Variants in CD40LG observed in about 807,000 individuals in gnomAD.
The protein encoded by CD40LG is CD40 antigen ligand.
Under a neutral mutation model 17.2 loss-of-function variants are expected in CD40LG, and 1 was observed. The ratio of observed to expected loss-of-function variants is 0.06; its 90% CI spans 0.02 to 0.28. CD40LG has a LOEUF of 0.28. CD40LG is among the 10% of genes least tolerant of loss of function. The pLI is 1.00. For missense variants in CD40LG, 133 were observed against 193.2 expected (o/e 0.69, Z 1.85); for synonymous variants, 66 against 74.4 (o/e 0.89, Z 0.58).
intron 4 of CD40LG, among the ~76,000 whole-genome samples, chrX:136,658,456 T>C (rs760329422): frequency 8.9e-6 from 1 of 111,877 alleles, no homozygotes; most frequent in East Asian, 2.8e-4. Context: ...TTTATTTTCA[T>C]ACTTCCTTGC....
In CD40LG at chrX:136,648,224, G is replaced by A; in HGVS notation, c.-25G>A. The A allele has an allele frequency of 8.5e-7, 1 of 1,178,908 alleles. No individual in the cohort carries two copies. The highest frequency in any genetic ancestry group is 1.2e-6 in the Non-Finnish European group (1 of 866,149). ...GCCTCTGCCACCTTCTCTGCCAGAA[G>A]ATACCATTTCAACTTTAACACAGCA... On this transcript the variant is annotated 5_prime_UTR_variant, in exon 1 of 5. Transcript: ENST00000370629.
intron 4 of CD40LG, among the ~76,000 whole-genome samples, chrX:136,657,201 T>C (rs2076121644): frequency 9.0e-6 from 1 of 111,690 alleles, no homozygotes; most frequent in African/African-American, 3.3e-5. Context: ...TGTGTGCATA[T>C]GTGTATGTGT....
intron 2 of CD40LG, among the ~76,000 whole-genome samples, chrX:136,652,267 C>T (rs1430935909): frequency 2.7e-5 from 3 of 110,887 alleles, no homozygotes; most frequent in Non-Finnish European, 5.7e-5. Flanking sequence ...CTCCAGCTAC[C>T]CAATCCTCCC....
intron 3 of CD40LG, among the ~76,000 whole-genome samples, chrX:136,655,387 G>C (rs1413227618): frequency 8.9e-6 from 1 of 111,998 alleles, no homozygotes. Flanking sequence ...TTAGAATGTG[G>C]CATCGCAAAC....
At position 136,653,053 on chromosome X, in the gene CD40LG, G is replaced by T. The variant is rs999261940; in HGVS notation, c.289-1320G>T. On this transcript the variant is annotated intron_variant, in intron 2 of 4. Coordinates refer to ENST00000370629, the MANE Select transcript of CD40LG (RefSeq NM_000074.3). ...TTGCTGACTTCATGTTTTCATCTTG[G>T]CCAGGCCTCAACACCAATGCAACAA... Among the ~76,000 whole-genome samples the T allele has an allele frequency of 4.5e-5, 5 of 111,894 alleles. No individual in the cohort carries two copies. The Admixed American group carries it at 4.7e-4, about 11-fold the overall frequency.
rs3092937 is a variant in CD40LG at position 136,653,202 on chromosome X, G to A, written c.289-1171G>A. ...TGTCACCACATCTTCATAGTGCCGC[G>A]CTTCAGCTCAAATGGAAAGTTGAAG... On this transcript the variant is annotated intron_variant, in intron 2 of 4. Transcript: ENST00000370629. Among the ~76,000 whole-genome samples, 525 of 112,281 alleles carry A rather than the reference G, an allele frequency of 4.7e-3. 3 individuals carry two copies. The highest frequency in any genetic ancestry group is 0.017 in the African/African-American group (513 of 30,936).
intron 4 of CD40LG, 58 bp downstream of exon 4, chrX:136,656,476 G>A (rs1487234251): frequency 2.0e-6 from 2 of 986,315 alleles, no homozygotes; most frequent in Non-Finnish European, 2.9e-6. Flanking sequence ...GGATGCCGAA[G>A]TCATGTTACC....
intron 4 of CD40LG, among the ~76,000 whole-genome samples, chrX:136,657,187 T>C (rs2076121542): frequency 9.0e-6 from 1 of 111,457 alleles, no homozygotes; most frequent in Admixed American, 9.5e-5. Context: ...AAGCAGTGCA[T>C]GTGTGTGTGC....
At chrX:136,654,539 T>C in intron 3 of CD40LG, 109 bp downstream of exon 3, 2 of 583,210 alleles carry the variant, frequency 3.4e-6, no homozygotes, top group Non-Finnish European at 5.9e-6. Context: ...CTTTTAGCCC[T>C]GGAAATAAAA....
chrX:136,658,429 G>A (rs561420799), intron 4 of CD40LG, among the ~76,000 whole-genome samples: 2 of 111,678 alleles, frequency 1.8e-5, no homozygotes, highest in South Asian at 3.9e-4. Context: ...AAAACATACC[G>A]TGAAATGAGC....
At chrX:136,649,631 A>G (rs2076098584) in intron 1 of CD40LG, among the ~76,000 whole-genome samples, 1 of 112,835 alleles carries the variant, frequency 8.9e-6, no homozygotes, top group Non-Finnish European at 1.9e-5. Context: ...ATCTACTCTT[A>G]AAGCAAGAAA....
chrX:136,652,927 A>G (rs2076108297), intron 2 of CD40LG, among the ~76,000 whole-genome samples: 1 of 109,892 alleles, frequency 9.1e-6, no homozygotes, highest in African/African-American at 3.3e-5. Context: ...AAAGTATTTC[A>G]GTTGAGGTGG....
chrX:136,658,994 T>C (rs749434397), intron 4 of CD40LG, 45 bp from the exon 5 acceptor site: 4 of 1,190,095 alleles, frequency 3.4e-6, no homozygotes, highest in East Asian at 3.0e-5. Flanking sequence ...ATGTGAACCA[T>C]GCTCTGCTTC....
chrX:136,648,212 T>A lies in CD40LG; in HGVS notation c.-37T>A. 1 of 1,138,784 alleles carries A rather than the reference T, an allele frequency of 8.8e-7. No individual in the cohort carries two copies. Among genetic ancestry groups the A allele is most frequent in the Non-Finnish European group, 1.2e-6 (1 of 829,421 alleles). 93.8% of individuals were successfully genotyped at this position (1,138,784 alleles called of 1,213,427 possible). On this transcript the variant is annotated 5_prime_UTR_variant, in exon 1 of 5. Coordinates refer to ENST00000370629, the MANE Select transcript of CD40LG (RefSeq NM_000074.3). The stretch of plus-strand genomic sequence containing the variant: ...TCTTCTCATGCTGCCTCTGCCACCT[T>A]CTCTGCCAGAAGATACCATTTCAAC...
At chrX:136,656,330 C>T (rs780148710) in intron 3 of CD40LG, 26 bp from the exon 4 acceptor site, 3 of 1,180,651 alleles carry the variant, frequency 2.5e-6, no homozygotes, top group Middle Eastern at 2.3e-4. Context: ...ATTATTTTAG[C>T]CTGACAGTTT....
rs57066772 is a variant in CD40LG at position 136,659,920 on chromosome X, A to ACCCCCCCCCCCCCC, written c.*508_*521dup. On this transcript the variant is annotated 3_prime_UTR_variant, in exon 5 of 5. Coordinates refer to ENST00000370629, the MANE Select transcript of CD40LG (RefSeq NM_000074.3). Reference sequence around the variant, plus strand: ...ACGTCTAACACAGTGGAGAACCGAAACCCCCCCCCCCCCCCCGCCACCCTC... The same window carrying ACCCCCCCCCCCCCC: ...ACGTCTAACACAGTGGAGAACCGAAACCCCCCCCCCCCCCCCCCCCCCCCCCCCCCGCCACCCTC... The ACCCCCCCCCCCCCC allele has an allele frequency of 2.1e-4, 4 of 18,644 alleles. No homozygotes were observed. The highest frequency in any genetic ancestry group is 5.2e-4 in the Non-Finnish European group (3 of 5,739). 1.5% of individuals were successfully genotyped at this position (18,644 alleles called of 1,213,427 possible). A position where few individuals can be genotyped will look rare whatever the true frequency, so the allele number is the denominator to read the frequency against.
intron 4 of CD40LG, among the ~76,000 whole-genome samples, chrX:136,657,350 T>C (rs188877866): frequency 1.9e-3 from 213 of 111,673 alleles, no homozygotes; most frequent in Non-Finnish European, 3.1e-3. Context: ...GTAAGAGCAC[T>C]GAATAGGGAG....
Position 136,648,360 on chromosome X carries a change from G to T in CD40LG, c.112G>T (p.Gly38Trp). 8.3e-7 allele frequency: 1 copy of T among 1,210,015 alleles called. No individual in the cohort carries two copies. The highest frequency in any genetic ancestry group is 1.1e-6 in the Non-Finnish European group (1 of 893,831). ...LTVFLITQMI[G>W]SALFAVYLHR... The stretch of plus-strand genomic sequence containing the variant: ...TGTTTTTCTTATCACCCAGATGATT[G>T]GGTCAGCACTTTTTGCTGTGTATCT... Residue 38 changes from glycine (G) to tryptophan (W), a missense_variant, in exon 1 of 5, where the codon GGG (glycine) becomes TGG (tryptophan). Physicochemically the swap from Gly to Trp is radical, Grantham distance 184. Coordinates refer to ENST00000370629, the MANE Select transcript of CD40LG (RefSeq NM_000074.3).
At chrX:136,656,282 G>T (rs2076118646) in intron 3 of CD40LG, 74 bp from the exon 4 acceptor site, 1 of 764,433 alleles carries the variant, frequency 1.3e-6, no homozygotes, top group African/African-American at 2.0e-5. Context: ...TTACACAGTT[G>T]TAGAACTGGA....
Sources: gnomAD v4.1 joint callset for allele counts (sites outside exome capture counted in the v4.1 genomes callset) on GRCh38, gnomAD v4.1.1 for gene constraint, MANE v1.5 for transcripts, NCBI Gene and HGNC (gene_info 2026-07-23, HGNC 2026-07-21) for gene names.